IMPG2: variants seen among roughly 807,000 people sequenced by gnomAD.
IMPG2 encodes the protein interphotoreceptor matrix proteoglycan 2.
A neutral mutation model predicts 129.2 loss-of-function variants in IMPG2; 91 were observed. The observed-to-expected ratio is 0.70, with a 90% CI of 0.59 to 0.84. The LOEUF (loss-of-function observed/expected upper bound fraction) is 0.84, where lower values mean the gene tolerates loss of function less well. Among genes scored for constraint, IMPG2 ranks in the 40% least tolerant of loss-of-function variants. The probability of loss-of-function intolerance (pLI) is 0.00; values close to 1 mark genes in which losing one functional copy is unlikely to be tolerated. For synonymous variants in IMPG2, 510 were observed against 517.7 expected (o/e 0.99, Z 0.20); for missense variants, 1,430 against 1,461.7 (o/e 0.98, Z 0.35).
intron 9 of IMPG2, among the ~76,000 whole-genome samples, chr3:101,265,425 T>C (rs1469618834): frequency 6.6e-6 from 1 of 151,878 alleles, no homozygotes; most frequent in Non-Finnish European, 1.5e-5. Context: ...TTGGCAAAAA[T>C]ATCAAGAACA....
chr3:101,253,577 G>A, intron 11 of IMPG2, 119 bp downstream of exon 11: 1 of 747,032 alleles, frequency 1.3e-6, no homozygotes, highest in Non-Finnish European at 2.4e-6. Flanking sequence ...TAGGGATGAT[G>A]CAAGAGAATA....
At chr3:101,294,755 T>C (rs151290416) in intron 3 of IMPG2, among the ~76,000 whole-genome samples, 61 of 152,348 alleles carry the variant, frequency 4.0e-4, no homozygotes, top group African/African-American at 1.3e-3. Context: ...CCAGAATCAA[T>C]TGTTTCTCGA....
rs1559646941 is a variant in IMPG2 at position 101,257,720 on chromosome 3, G to A, written c.962C>T (p.Thr321Ile). 2 of 1,613,244 alleles carry A rather than the reference G, an allele frequency of 1.2e-6. No homozygotes were observed. Among genetic ancestry groups the A allele is most frequent in the Middle Eastern group, 1.7e-4 (1 of 6,054 alleles). ...VTFNGEAISN[T>I]TWDLISLHSN... ...GTGAAGGCTAATGAGGTCCCAGGTG[G>A]TATTGCTGATGGCCTCACCATTGAA... The change falls in exon 10 of 19, where the codon ACC (threonine) becomes ATC (isoleucine). Residue 321 changes from threonine to isoleucine, a missense_variant. Transcript: ENST00000193391.
intron 2 of IMPG2, among the ~76,000 whole-genome samples, chr3:101,304,912 G>T (rs1321561138): frequency 6.7e-6 from 1 of 150,262 alleles, no homozygotes; most frequent in Non-Finnish European, 1.5e-5. Flanking sequence ...GAAGCAGAAA[G>T]TACTACATAA....
chr3:101,235,828 T>C (rs561933017), intron 14 of IMPG2, among the ~76,000 whole-genome samples: 2 of 152,214 alleles, frequency 1.3e-5, no homozygotes, highest in South Asian at 4.1e-4. Flanking sequence ...CAAGGATAGA[T>C]GGGTCTAGAA....
At chr3:101,294,862 C>T (rs966738649) in intron 3 of IMPG2, among the ~76,000 whole-genome samples, 4 of 152,072 alleles carry the variant, frequency 2.6e-5, no homozygotes, top group African/African-American at 4.8e-5. Flanking sequence ...AGCTTTTTTT[C>T]ATATGTTTGT....
chr3:101,253,704 A>G lies in IMPG2; in HGVS notation c.1231T>C (p.Ser411Pro), dbSNP rs1452893245. 1.2e-6 allele frequency: 2 copies of G among 1,610,208 alleles called. No homozygotes were observed. The highest frequency in any genetic ancestry group is 3.4e-5 in the Admixed American group (2 of 59,682). Residue 411 changes from serine (S) to proline (P), a missense_variant, in exon 11 of 19, where the codon TCT (serine) becomes CCT (proline). Ser to Pro is a moderately conservative substitution (Grantham distance 74, BLOSUM62 -1). Transcript: ENST00000193391. ...AAAACATAAAAACATACCAGAATAGATGACGGCGTTGCCTGAAGACTTGAA... is the reference window on the plus strand; with the variant it reads ...AAAACATAAAAACATACCAGAATAGGTGACGGCGTTGCCTGAAGACTTGAA... ...QSSSLQATPSSILDNTFQAAW... is the reference protein window; with the variant it reads ...QSSSLQATPSPILDNTFQAAW...
intron 2 of IMPG2, among the ~76,000 whole-genome samples, chr3:101,308,278 G>T (rs1193748290): frequency 4.3e-3 from 1 of 234 alleles, no homozygotes; most frequent in Non-Finnish European, 8.8e-3. Context: ...TGGGGACTCT[G>T]TGTGGGGCCC....
At chr3:101,315,409 A>G (rs1026224129) in intron 2 of IMPG2, among the ~76,000 whole-genome samples, 2 of 152,156 alleles carry the variant, frequency 1.3e-5, no homozygotes, top group African/African-American at 4.8e-5. Context: ...ATGATGCCAA[A>G]CAACTACAGA....
chr3:101,312,227 A>T (rs1341095774), intron 2 of IMPG2, among the ~76,000 whole-genome samples: 1 of 152,112 alleles, frequency 6.6e-6, no homozygotes, highest in Non-Finnish European at 1.5e-5. Context: ...GATACCATCA[A>T]GAAAGTGAAA....
chr3:101,287,330 G>C (rs1340247436), intron 4 of IMPG2, among the ~76,000 whole-genome samples: 1 of 152,122 alleles, frequency 6.6e-6, no homozygotes, highest in Non-Finnish European at 1.5e-5. Flanking sequence ...GCAATTTACA[G>C]ATTCAATGCT....
chr3:101,291,653 C>T, intron 3 of IMPG2, 143 bp from the exon 4 acceptor site: 1 of 694,866 alleles, frequency 1.4e-6, no homozygotes. Context: ...GTGATTAAAA[C>T]AGGTAATAAT....
At position 101,276,649 on chromosome 3, in the gene IMPG2, G is replaced by A. The variant is rs1352331575; in HGVS notation, c.583+15C>T. 2 of 1,563,828 alleles carry A rather than the reference G, an allele frequency of 1.3e-6. No homozygotes were observed. The highest frequency in any genetic ancestry group is 1.1e-5 in the South Asian group (1 of 89,632). On this transcript the variant is annotated intron_variant, in intron 5 of 18. Coordinates refer to ENST00000193391, the MANE Select transcript of IMPG2 (RefSeq NM_016247.4). ...TAATTTTAAAAGAAAAGTGAATGAA[G>A]ACACAAAAGTATACCTCCCAATGTT...
intron 6 of IMPG2, among the ~76,000 whole-genome samples, chr3:101,275,086 T>C (rs1706826974): frequency 6.6e-6 from 1 of 151,978 alleles, no homozygotes. Context: ...ACAGGATTTG[T>C]GAACCCCCTA....
intron 11 of IMPG2, 98 bp downstream of exon 11, chr3:101,253,598 G>T: frequency 1.2e-6 from 1 of 815,078 alleles, no homozygotes; most frequent in Admixed American, 2.0e-5. Context: ...ATTGAAATGA[G>T]AACAGCTTGG....
chr3:101,305,567 G>T (rs998514390), intron 2 of IMPG2, among the ~76,000 whole-genome samples: 2 of 152,108 alleles, frequency 1.3e-5, no homozygotes, highest in Non-Finnish European at 2.9e-5. Context: ...ACAGGGAAAA[G>T]TGGTGGGGGA....
chr3:101,280,630 A>C (rs1706882858), intron 4 of IMPG2, among the ~76,000 whole-genome samples: 1 of 152,292 alleles, frequency 6.6e-6, no homozygotes, highest in Admixed American at 6.5e-5. Flanking sequence ...CATCCCAAAC[A>C]GAATAAAACA....
At chr3:101,253,832 T>C (rs1706571030) in intron 10 of IMPG2, 51 bp from the exon 11 acceptor site, 2 of 1,286,486 alleles carry the variant, frequency 1.6e-6, no homozygotes, top group South Asian at 2.5e-5. Context: ...CCCTATTGTA[T>C]TTGAGGTGCA....
At chr3:101,264,113 T>A (rs749399392) in intron 9 of IMPG2, among the ~76,000 whole-genome samples, 1 of 151,902 alleles carries the variant, frequency 6.6e-6, no homozygotes, top group African/African-American at 2.4e-5. Context: ...AAAAGAAAAG[T>A]CCAGGACTGG....
Sources: allele counts gnomAD v4.1 joint callset (sites outside exome capture counted in the v4.1 genomes callset), GRCh38; gene constraint gnomAD v4.1.1; transcripts MANE v1.5; gene names NCBI Gene and HGNC (gene_info 2026-07-23, HGNC 2026-07-21).